C2CD3: variants seen among roughly 807,000 people sequenced by gnomAD.
C2CD3 encodes the protein C2 domain containing 3 centriole elongation regulator, also known as C2 domain-containing protein 3.
C2CD3 carries 148 observed loss-of-function variants against 234.0 expected under a neutral mutation model. The ratio of observed to expected loss-of-function variants is 0.63; its 90% confidence interval spans 0.55 to 0.72. The LOEUF is 0.72. Ranked by LOEUF, C2CD3 falls within the 30% of genes least tolerant of loss-of-function variation. The probability of loss-of-function intolerance (pLI) is 0.00; values close to 1 mark genes in which losing one functional copy is unlikely to be tolerated. For missense variants in C2CD3, 2,577 were observed against 2,811.5 expected (o/e 0.92, Z 1.89); for synonymous variants, 1,000 against 1,035.4 (o/e 0.97, Z 0.66).
At chr11:74,162,019 T>C (rs1383588850) in intron 2 of C2CD3, among the ~76,000 whole-genome samples, 1 of 152,104 alleles carries the variant, frequency 6.6e-6, no homozygotes, top group Non-Finnish European at 1.5e-5. Context: ...TCTCACTGTG[T>C]TGCCCAGGCT....
intron 24 of C2CD3, among the ~76,000 whole-genome samples, chr11:74,065,834 T>C (rs1477445923): frequency 7.0e-6 from 1 of 143,146 alleles, no homozygotes; most frequent in Non-Finnish European, 1.5e-5. Context: ...AAACACCGCA[T>C]GTTTTCACTC....
chr11:74,078,685 C>T lies in C2CD3; in HGVS notation c.4033G>A (p.Glu1345Lys), dbSNP rs539451571. 1 of 1,611,110 alleles carries T rather than the reference C, an allele frequency of 6.2e-7. No individual in the cohort carries two copies. The highest frequency in any genetic ancestry group is 1.1e-5 in the South Asian group (1 of 90,716). The change falls in exon 23 of 33, where the codon GAA becomes AAA. Residue 1345 changes from glutamate (E) to lysine (K), a missense_variant. Transcript: ENST00000334126. The stretch of plus-strand genomic sequence containing the variant: ...AGGCCATGAGGTAGGCCCCCGTCTT[C>T]TGGTAAAATGATAGGATACCATCCT... The part of the protein sequence containing the change: ...ITGWYPIILP[E>K]DGGLPHGLEL...
At chr11:74,132,387 TTA>T (rs1444505424) in intron 7 of C2CD3, among the ~76,000 whole-genome samples, 1 of 152,074 alleles carries the variant, frequency 6.6e-6, no homozygotes, top group Non-Finnish European at 1.5e-5. Context: ...CCGCAAAATA[TTA>T]TGTGTCAAGC....
intron 9 of C2CD3, 41 bp downstream of exon 9, chr11:74,118,187 C>G: frequency 6.4e-7 from 1 of 1,550,716 alleles, no homozygotes; most frequent in Non-Finnish European, 8.8e-7. Context: ...AAATAACATT[C>G]CTTTGTGTTT....
intron 8 of C2CD3, among the ~76,000 whole-genome samples, chr11:74,120,936 T>C (rs796360409): frequency 1.1e-4 from 17 of 151,932 alleles, no homozygotes; most frequent in African/African-American, 3.6e-4. Context: ...GGCAGGAGAA[T>C]TGCTTGAGCC....
At chr11:74,114,104 T>G (rs1384463832) in intron 10 of C2CD3, among the ~76,000 whole-genome samples, 2 of 152,130 alleles carry the variant, frequency 1.3e-5, no homozygotes, top group African/African-American at 4.8e-5. Flanking sequence ...AAACATCTAT[T>G]TTGGGCCCTA....
At chr11:74,117,213 A>C (rs1288734773) in intron 9 of C2CD3, among the ~76,000 whole-genome samples, 2 of 70,598 alleles carry the variant, frequency 2.8e-5, no homozygotes, top group Non-Finnish European at 4.8e-5. Flanking sequence ...TATATATATG[A>C]ATATATATAT....
rs756615167 is a variant in C2CD3, at chr11:74,042,091, G to T, written c.5623C>A (p.Pro1875Thr). 1 of 1,614,050 alleles carries T rather than the reference G, an allele frequency of 6.2e-7. No homozygotes were observed. The highest frequency in any genetic ancestry group is 8.5e-7 in the Non-Finnish European group (1 of 1,179,998). Residue 1875 changes from proline to threonine, a missense_variant, in exon 29 of 33, where the codon CCT becomes ACT. Transcript: ENST00000334126. ...AGAATGGAGGTTTGGGAGGACAAAG[G>T]TGATGTGGTCAGTTTGTCATCACAT... ...LPCDDKLTTS[P>T]LSSQTSILTS... is the part of the protein sequence containing the mutation.
intron 23 of C2CD3, among the ~76,000 whole-genome samples, chr11:74,075,615 T>C (rs1350570892): frequency 6.6e-6 from 1 of 152,154 alleles, no homozygotes; most frequent in Non-Finnish European, 1.5e-5. Context: ...GTTTGCTTCA[T>C]TAGATTCACT....
intron 3 of C2CD3, among the ~76,000 whole-genome samples, chr11:74,147,780 T>C (rs1855316893): frequency 6.6e-6 from 1 of 152,248 alleles, no homozygotes; most frequent in African/African-American, 2.4e-5. Flanking sequence ...CTATCTGTCC[T>C]ACTTTTTTGT....
chr11:74,135,139 T>A (rs1328944112), intron 5 of C2CD3, among the ~76,000 whole-genome samples: 1 of 151,892 alleles, frequency 6.6e-6, no homozygotes, highest in African/African-American at 2.4e-5. Context: ...TCACTCACTG[T>A]GATAGGCAGA....
chr11:74,120,097 C>T (rs1216817618), intron 8 of C2CD3, among the ~76,000 whole-genome samples: 2 of 151,254 alleles, frequency 1.3e-5, no homozygotes, highest in Non-Finnish European at 2.9e-5. Flanking sequence ...CTACTAGCTA[C>T]ATTGAACAGC....
chr11:74,025,907 A>G (rs1357918588), intron 32 of C2CD3, among the ~76,000 whole-genome samples: 1 of 152,182 alleles, frequency 6.6e-6, no homozygotes, highest in East Asian at 1.9e-4. Flanking sequence ...GTCTTGCTCC[A>G]AAGCCTGGAC....
intron 7 of C2CD3, among the ~76,000 whole-genome samples, chr11:74,124,310 T>C (rs1957327311): frequency 6.6e-6 from 1 of 152,184 alleles, no homozygotes; most frequent in African/African-American, 2.4e-5. Flanking sequence ...ATCACTACCT[T>C]CAAATTAGAC....
chr11:74,165,058 G>C (rs760575434), intron 2 of C2CD3, among the ~76,000 whole-genome samples: 1 of 152,106 alleles, frequency 6.6e-6, no homozygotes, highest in Non-Finnish European at 1.5e-5. Context: ...CTGTCTGAGA[G>C]AGACCTTTTC....
chr11:74,078,367 G>C lies in C2CD3; in HGVS notation c.4351C>G (p.Leu1451Val), dbSNP rs1955168538. The C allele has an allele frequency of 1.2e-6, 2 of 1,614,184 alleles. No homozygotes were observed. The highest frequency in any genetic ancestry group is 1.7e-6 in the Non-Finnish European group (2 of 1,180,046). The stretch of plus-strand genomic sequence containing the variant: ...TTTACAGATTCCTTAGGCTTCTTGA[G>C]AGGGGTCCAAAAGGCTTCATGATCA... ...FYDHEAFWTPLKKPKESVNKK... is the reference protein window; with the variant it reads ...FYDHEAFWTPVKKPKESVNKK... Residue 1451 changes from leucine (L) to valine (V), a missense_variant, in exon 23 of 33, where the codon CTC (leucine) becomes GTC (valine). Transcript: ENST00000334126.
chr11:74,160,275 A>T (rs1856367022), intron 3 of C2CD3, among the ~76,000 whole-genome samples: 1 of 152,190 alleles, frequency 6.6e-6, no homozygotes, highest in Non-Finnish European at 1.5e-5. Flanking sequence ...TCAGTATGTC[A>T]ATGAGATACC....
chr11:74,116,690 G>C (rs1454856098), intron 9 of C2CD3, among the ~76,000 whole-genome samples: 4 of 151,420 alleles, frequency 2.6e-5, no homozygotes, highest in African/African-American at 4.9e-5. Context: ...GCTTATAGCA[G>C]CACAATTTGC....
rs188898306 is a variant in C2CD3, at chr11:74,109,914, T to C, written c.1844-762A>G. ...GGTGAAACCCCGTCTCTACTAAAAA[T>C]ACAACAACAAAAAAAAATTAGCTGG... On this transcript the variant is annotated intron_variant, in intron 11 of 32. Transcript: ENST00000334126. 3.4e-3 allele frequency among the ~76,000 whole-genome samples: 518 copies of C among 151,672 alleles called. 5 individuals carry two copies. Among genetic ancestry groups the C allele is most frequent in the African/African-American group, 0.012 (490 of 41,296 alleles).
Sources: allele counts gnomAD v4.1 joint callset (sites outside exome capture counted in the v4.1 genomes callset), GRCh38; gene constraint gnomAD v4.1.1; transcripts MANE v1.5; gene names NCBI Gene and HGNC (gene_info 2026-07-23, HGNC 2026-07-21).